USP22: variants seen among roughly 807,000 people sequenced by gnomAD.
USP22 encodes the protein ubiquitin specific peptidase 22.
In USP22, 22 loss-of-function variants were observed where a neutral mutation model predicts 68.1. The ratio of observed to expected loss-of-function variants is 0.32; its 90% CI spans 0.23 to 0.46. The LOEUF is 0.46. Among genes scored for constraint, USP22 ranks in the 20% least tolerant of loss-of-function variants. The pLI is 1.00. For missense variants in USP22, 433 were observed against 695.8 expected (o/e 0.62, Z 4.25); for synonymous variants, 279 against 274.2 (o/e 1.02, Z -0.17).
chr17:21,028,866 A>C (rs1972255226), intron 1 of USP22, among the ~76,000 whole-genome samples, 192 bp from the exon 2 acceptor site: 1 of 149,488 alleles, frequency 6.7e-6, no homozygotes, highest in African/African-American at 2.5e-5. Context: ...CATTCAGATG[A>C]AAACTAGCTC....
intron 1 of USP22, among the ~76,000 whole-genome samples, chr17:21,041,726 T>G (rs1972435024): frequency 6.6e-6 from 1 of 152,254 alleles, no homozygotes; most frequent in East Asian, 1.9e-4. Flanking sequence ...CAATCTCGGA[T>G]TGTAATCTAC....
chr17:21,020,244 C>CAAAAAAAAAAAAAAAAAAAACAA (rs1972136774), intron 3 of USP22, among the ~76,000 whole-genome samples: 1 of 73,252 alleles, frequency 1.4e-5, no homozygotes, highest in East Asian at 6.4e-4. Context: ...AATCAAAAAC[C>CAAAAAAAAAAAAAAAAAAAACAA]AAAAAAAAAA....
Position 21,004,967 on chromosome 17 carries a change from T to G in USP22, c.1346A>C (p.Gln449Pro). 1 of 1,614,248 alleles carries G rather than the reference T, an allele frequency of 6.2e-7. No homozygotes were observed. Among genetic ancestry groups the G allele is most frequent in the Non-Finnish European group, 8.5e-7 (1 of 1,180,042 alleles). Residue 449 changes from glutamine (Q) to proline (P), a missense_variant, in exon 11 of 13, where the codon CAG (glutamine) becomes CCG (proline). Gln to Pro is a moderately conservative substitution (Grantham distance 76). Coordinates refer to ENST00000261497, the MANE Select transcript of USP22 (RefSeq NM_015276.2). ...ASSKESRMNGQYQQPTDSLNN... is the reference protein window; with the variant it reads ...ASSKESRMNGPYQQPTDSLNN... ...GAGACTGTCCGTGGGCTGCTGGTACTGTCCATTCATCCTGCTCTCTTTGCT... is the reference window on the plus strand; with the variant it reads ...GAGACTGTCCGTGGGCTGCTGGTACGGTCCATTCATCCTGCTCTCTTTGCT...
chr17:21,014,493 A>C (rs1192321102), intron 6 of USP22, among the ~76,000 whole-genome samples: 1 of 152,242 alleles, frequency 6.6e-6, no homozygotes, highest in Non-Finnish European at 1.5e-5. Flanking sequence ...GGTAAGAATT[A>C]AAAGGATCAC....
chr17:21,026,658 GA>G (rs56106552), intron 2 of USP22, among the ~76,000 whole-genome samples: 30,364 of 147,410 alleles, frequency 0.21, 3,791 homozygotes, highest in South Asian at 0.3. Context: ...AAATTAGTAG[GA>G]AAAAAAAAAA....
intron 7 of USP22, among the ~76,000 whole-genome samples, chr17:21,012,041 C>T (rs974624527): frequency 1.3e-5 from 2 of 152,094 alleles, no homozygotes; most frequent in East Asian, 1.9e-4. Flanking sequence ...GATATTTGCT[C>T]GTCTTATGCA....
chr17:21,012,789 C>T (rs369953547), intron 7 of USP22, 41 bp downstream of exon 7: 1 of 1,575,904 alleles, frequency 6.3e-7, no homozygotes, highest in Non-Finnish European at 8.7e-7. Flanking sequence ...AGTACGGCCC[C>T]AGAGGGTTTG....
In USP22 at chr17:21,039,047, G is replaced by C. The variant is rs549455887; in HGVS notation, c.171+3618C>G. On this transcript the variant is annotated intron_variant, in intron 1 of 12. Transcript: ENST00000261497. ...GCTCACTGCAACCTCCGCCTCCCTG[G>C]TTCAAGCGATTCTCCTGCCCCAGCC... Among the ~76,000 whole-genome samples, 32 of 152,092 alleles carry C rather than the reference G, an allele frequency of 2.1e-4. 1 individual carries two copies. The highest frequency in any genetic ancestry group is 7.9e-4 in the Admixed American group (12 of 15,284).
At chr17:21,027,511 A>G (rs1169788694) in intron 2 of USP22, among the ~76,000 whole-genome samples, 1 of 151,562 alleles carries the variant, frequency 6.6e-6, no homozygotes, top group East Asian at 1.9e-4. Flanking sequence ...AAGCCTAAAA[A>G]TATCTTTACC....
chr17:21,019,771 C>T (rs1479486652), intron 3 of USP22, among the ~76,000 whole-genome samples: 2 of 152,210 alleles, frequency 1.3e-5, no homozygotes, highest in African/African-American at 4.8e-5. Flanking sequence ...CTGAATACTT[C>T]AAAATACTTT....
rs916174953 is a variant in USP22, at chr17:21,002,706, C to T, written c.*325G>A. ...CCGAGTGCTGGGGAACGCCAGGCAG[C>T]GGTCACTCTGTGCTGTGAGGCCCCC... On this transcript the variant is annotated 3_prime_UTR_variant, in exon 13 of 13. Coordinates refer to ENST00000261497, the MANE Select transcript of USP22 (RefSeq NM_015276.2). 12 of 329,222 alleles carry T rather than the reference C, an allele frequency of 3.6e-5. No homozygotes were observed. Among genetic ancestry groups the T allele is most frequent in the East Asian group, 7.3e-5 (1 of 13,688 alleles). 20.4% of individuals were successfully genotyped at this position (329,222 alleles called of 1,614,324 possible). A position where few individuals can be genotyped will look rare whatever the true frequency, so the allele number is the denominator to read the frequency against.
At chr17:21,007,113 G>T in intron 9 of USP22, 126 bp from the exon 10 acceptor site, 1 of 739,424 alleles carries the variant, frequency 1.4e-6, no homozygotes, top group Non-Finnish European at 2.1e-6. Flanking sequence ...GAACTGCCTT[G>T]TAGCTACATC....
chr17:21,022,914 G>A (rs1373632840), intron 2 of USP22, among the ~76,000 whole-genome samples: 1 of 151,836 alleles, frequency 6.6e-6, no homozygotes, highest in Non-Finnish European at 1.5e-5. Flanking sequence ...CAATAGCAAA[G>A]ACATGAGATC....
intron 6 of USP22, among the ~76,000 whole-genome samples, chr17:21,015,033 C>G (rs1225329739): frequency 4.6e-5 from 7 of 152,238 alleles, no homozygotes; most frequent in African/African-American, 9.6e-5. Flanking sequence ...CTCTCAGTCT[C>G]TCTGCCTGTA....
chr17:21,038,688 A>G (rs1972387692), intron 1 of USP22, among the ~76,000 whole-genome samples: 1 of 152,034 alleles, frequency 6.6e-6, no homozygotes, highest in Non-Finnish European at 1.5e-5. Context: ...AATACATAAA[A>G]AATAAAAAAT....
chr17:21,004,118 C>T, intron 12 of USP22, 84 bp downstream of exon 12: 1 of 1,548,064 alleles, frequency 6.5e-7, no homozygotes, highest in South Asian at 1.2e-5. Context: ...TGGTTCTAGG[C>T]TCAGACATGG....
rs3047597 is a variant in USP22 at position 21,020,244 on chromosome 17, C to CAAA, written c.418+866_418+868dup. Among the ~76,000 whole-genome samples the CAAA allele has an allele frequency of 7.1e-3, 522 of 73,162 alleles. 2 individuals carry two copies. The highest frequency in any genetic ancestry group is 7.7e-3 in the Non-Finnish European group (306 of 39,884). The allele number at this position is 73,162 out of a possible 152,430, so 48.0% of individuals were successfully genotyped here. A position where few individuals can be genotyped will look rare whatever the true frequency, so the allele number is the denominator to read the frequency against. ...ATGAGCATCTGTCAGAATCAAAAAC[C>CAAA]AAAAAAAAAAAAAAAAAAAAAAAAA... is the stretch of plus-strand genomic sequence containing the variant. On this transcript the variant is annotated intron_variant, in intron 3 of 12. Transcript: ENST00000261497.
intron 8 of USP22, among the ~76,000 whole-genome samples, chr17:21,008,799 G>A (rs939871182): frequency 3.3e-5 from 5 of 152,122 alleles, no homozygotes; most frequent in African/African-American, 7.2e-5. Context: ...ATGTAGAGAG[G>A]TGAGAGGTCG....
intron 1 of USP22, among the ~76,000 whole-genome samples, chr17:21,036,248 A>T (rs1285977418): frequency 6.6e-6 from 1 of 152,058 alleles, no homozygotes; most frequent in Admixed American, 6.6e-5. Flanking sequence ...GGGGCAGTGC[A>T]ACTGTTCTGT....
Sources: allele counts gnomAD v4.1 joint callset (sites outside exome capture counted in the v4.1 genomes callset), GRCh38; gene constraint gnomAD v4.1.1; transcripts MANE v1.5; gene names NCBI Gene and HGNC (gene_info 2026-07-23, HGNC 2026-07-21).